The following NHS variants were observed in gnomAD, a reference collection of about 807,000 sequenced individuals.
NHS encodes actin remodeling regulator NHS.
A neutral mutation model predicts 72.5 loss-of-function variants in NHS; 5 were observed. The ratio of observed to expected loss-of-function variants is 0.07; its 90% confidence interval spans 0.04 to 0.14. The LOEUF (loss-of-function observed/expected upper bound fraction) is 0.14. Ranked by LOEUF, NHS falls within the 10% of genes least tolerant of loss-of-function variation. The probability of loss-of-function intolerance (pLI) is 1.00; values close to 1 mark genes in which losing one functional copy is unlikely to be tolerated. For synonymous variants in NHS, 464 were observed against 547.7 expected, an observed-to-expected ratio of 0.85 and a Z score of 2.13; for missense variants, 1,072 against 1,355.7, an observed-to-expected ratio of 0.79 and a Z score of 3.29.
chrX:17,603,470 A>C (rs997169023), intron 1 of NHS, among the ~76,000 whole-genome samples: 7 of 111,954 alleles, frequency 6.3e-5, no homozygotes, highest in African/African-American at 2.3e-4. Flanking sequence ...TGATTCTTGT[A>C]ACCATTTCAA....
chrX:17,379,471 G>A lies in NHS; in HGVS notation c.565+3149G>A, dbSNP rs968691102. Among the ~76,000 whole-genome samples, 4 of 112,172 alleles carry A rather than the reference G, an allele frequency of 3.6e-5. No individual in the cohort carries two copies. The Admixed American group carries it at 3.7e-4, about 11-fold the overall frequency. On this transcript the variant is annotated intron_variant, in intron 1 of 8. Transcript: ENST00000676302. ...CTAGTTTGTTGTTTTTGCTTGAAAA[G>A]CTTAAATAACTTGTAGACTGTGGCT...
At chrX:17,495,738 A>G (rs982499282) in intron 1 of NHS, among the ~76,000 whole-genome samples, 2 of 112,245 alleles carry the variant, frequency 1.8e-5, no homozygotes, top group African/African-American at 3.2e-5. Context: ...GTCTCAAAGT[A>G]TCTGTACCAT....
At chrX:17,581,691 A>C (rs1050761442) in intron 1 of NHS, among the ~76,000 whole-genome samples, 43 of 111,627 alleles carry the variant, frequency 3.9e-4, no homozygotes, top group African/African-American at 1.3e-3. Context: ...GGCCTTTGGA[A>C]TTAACAGGTT....
chrX:17,600,298 G>A (rs778322200), intron 1 of NHS, among the ~76,000 whole-genome samples: 1 of 110,139 alleles, frequency 9.1e-6, no homozygotes, highest in East Asian at 2.9e-4. Context: ...GAGAGAGAGA[G>A]AGAGAGAGAG....
Position 17,413,517 on chromosome X carries a change from A to C in NHS, c.565+37195A>C, listed in dbSNP as rs754934737. Among the ~76,000 whole-genome samples the C allele has an allele frequency of 6.2e-5, 7 of 112,578 alleles. No individual in the cohort carries two copies. In the South Asian group the frequency reaches 2.2e-3, roughly 35 times the overall value. ...TTGAAATGAAACCACAAGCTTGGTT[A>C]GATTGATTAATCGTTTCAGAACCTA... On this transcript the variant is annotated intron_variant, in intron 1 of 8. Transcript: ENST00000676302.
intron 1 of NHS, among the ~76,000 whole-genome samples, chrX:17,480,076 T>C (rs1442303021): frequency 9.0e-6 from 1 of 111,264 alleles, no homozygotes; most frequent in Non-Finnish European, 1.9e-5. Context: ...TTACAAGGGA[T>C]GCGAAGGACC....
chrX:17,700,052 C>T (rs1415968675), intron 3 of NHS, among the ~76,000 whole-genome samples: 1 of 111,097 alleles, frequency 9.0e-6, no homozygotes. Context: ...AAGAGCAAAA[C>T]CTTGGAAGAA....
At chrX:17,636,967 T>C (rs2065852279) in intron 1 of NHS, among the ~76,000 whole-genome samples, 1 of 111,995 alleles carries the variant, frequency 8.9e-6, no homozygotes, top group Non-Finnish European at 1.9e-5. Flanking sequence ...AGGCCAATTA[T>C]AACAATTAAA....
At chrX:17,595,412 G>C (rs1311775946) in intron 1 of NHS, among the ~76,000 whole-genome samples, 2 of 112,015 alleles carry the variant, frequency 1.8e-5, no homozygotes, top group Non-Finnish European at 3.8e-5. Context: ...ACTTCCCTTT[G>C]ATGTAGGACA....
At chrX:17,458,207 C>T (rs1031502252) in intron 1 of NHS, among the ~76,000 whole-genome samples, 1 of 110,736 alleles carries the variant, frequency 9.0e-6, no homozygotes, top group African/African-American at 3.3e-5. Flanking sequence ...TTTGTGTGTG[C>T]ATGCATTCTT....
intron 1 of NHS, among the ~76,000 whole-genome samples, chrX:17,563,268 C>T (rs980698529): frequency 1.8e-5 from 2 of 112,733 alleles, no homozygotes; most frequent in Non-Finnish European, 3.7e-5. Context: ...AGGATGGGCA[C>T]TAGGTCAGGA....
chrX:17,694,791 C>G (rs1461954802), intron 3 of NHS, among the ~76,000 whole-genome samples: 1 of 111,585 alleles, frequency 9.0e-6, no homozygotes, highest in Non-Finnish European at 1.9e-5. Context: ...TTATTATTAG[C>G]CAATCAATTC....
intron 1 of NHS, among the ~76,000 whole-genome samples, chrX:17,641,702 C>A (rs184504240): frequency 1.8e-5 from 2 of 108,697 alleles, no homozygotes; most frequent in East Asian, 5.8e-4. Flanking sequence ...ATTCAGCATT[C>A]TGTGAAAGAA....
intron 8 of NHS, among the ~76,000 whole-genome samples, chrX:17,731,466 G>A (rs1264515176): frequency 9.1e-6 from 1 of 110,055 alleles, no homozygotes; most frequent in Non-Finnish European, 1.9e-5. Context: ...TCGAACTCCT[G>A]ACCTCAAGTG....
At position 17,727,671 on chromosome X, in the gene NHS, G is replaced by A. The variant is rs1057369034; in HGVS notation, c.3565G>A (p.Val1189Ile). 6 of 1,210,262 alleles carry A rather than the reference G, an allele frequency of 5.0e-6. No homozygotes were observed. The Admixed American group carries it at 8.7e-5, about 18-fold the overall frequency. The change falls in exon 7 of 9, where the codon GTA becomes ATA. Residue 1189 changes from valine (V) to isoleucine (I), a missense_variant. Coordinates refer to ENST00000676302, the MANE Select transcript of NHS (RefSeq NM_001291867.2). Reference protein sequence around the residue: ...KIRPHTANKSVSRQYSTEDTI... With the variant: ...KIRPHTANKSISRQYSTEDTI... ...TAGGCCGCATACAGCAAATAAATCA[G>A]TATCTCGTCAATACTCCACTGAAGA... is the stretch of plus-strand genomic sequence containing the variant.
At chrX:17,497,317 C>A (rs1286256762) in intron 1 of NHS, among the ~76,000 whole-genome samples, 1 of 111,900 alleles carries the variant, frequency 8.9e-6, no homozygotes, top group African/African-American at 3.2e-5. Flanking sequence ...GGGTTGCTAC[C>A]TCTGTCCTCT....
intron 1 of NHS, among the ~76,000 whole-genome samples, chrX:17,669,976 AG>A (rs1479044819): frequency 3.6e-5 from 4 of 111,992 alleles, no homozygotes. Context: ...GTTGCTGAAA[AG>A]GCAGCTTGCC....
At chrX:17,728,909 AAAG>A in intron 8 of NHS, 134 bp downstream of exon 8, 1 of 873,133 alleles carries the variant, frequency 1.1e-6, no homozygotes, top group Admixed American at 2.6e-5. Flanking sequence ...AAAAGCAAGC[AAAG>A]AATAATTTTT....
At chrX:17,391,685 G>A (rs2064446230) in intron 1 of NHS, among the ~76,000 whole-genome samples, 1 of 111,648 alleles carries the variant, frequency 9.0e-6, no homozygotes, top group Non-Finnish European at 1.9e-5. Flanking sequence ...CTCATGTTGT[G>A]AAGCACTGCA....
Sources: allele counts gnomAD v4.1 joint callset (sites outside exome capture counted in the v4.1 genomes callset), GRCh38; gene constraint gnomAD v4.1.1; transcripts MANE v1.5; gene names NCBI Gene and HGNC (gene_info 2026-07-23, HGNC 2026-07-21).